The following PARD3 variants were observed in gnomAD, a reference collection of about 807,000 sequenced individuals.
PARD3 encodes partitioning defective 3 homolog.
Under a neutral mutation model 155.4 loss-of-function variants are expected in PARD3, and 75 were observed. The observed-to-expected ratio is 0.48, with a 90% CI of 0.40 to 0.58. The LOEUF (loss-of-function observed/expected upper bound fraction) is 0.58. Ranked by LOEUF, PARD3 falls within the 20% of genes least tolerant of loss-of-function variation. The pLI is 0.00. For missense variants in PARD3, 1,642 were observed against 1,721.7 expected (o/e 0.95, Z 0.82); for synonymous variants, 576 against 610.5 (o/e 0.94, Z 0.83).
chr10:34,178,283 T>C (rs1238310717), intron 22 of PARD3, among the ~76,000 whole-genome samples: 1 of 151,902 alleles, frequency 6.6e-6, no homozygotes, highest in Non-Finnish European at 1.5e-5. Context: ...TATTCATAAA[T>C]CCAATTTCAG....
At chr10:34,270,711 G>C (rs1264482387) in intron 21 of PARD3, among the ~76,000 whole-genome samples, 1 of 152,078 alleles carries the variant, frequency 6.6e-6, no homozygotes, top group African/African-American at 2.4e-5. Context: ...AGTGACAAAA[G>C]AGGATCTCAG....
intron 22 of PARD3, among the ~76,000 whole-genome samples, chr10:34,227,608 A>T (rs1352452391): frequency 6.6e-6 from 1 of 152,206 alleles, no homozygotes; most frequent in East Asian, 1.9e-4. Flanking sequence ...ATTGCACGCC[A>T]GCCTGGGCAA....
rs200778892 is a variant in PARD3, at chr10:34,467,150, AAAAGAG to A, written c.582+2929_582+2934del. ...CAACACTGATACTTAAAATGTGAAA[AAAAGAG>A]AAAGAGCATGGATGTCCAAAATTGA... is the stretch of plus-strand genomic sequence containing the variant. On this transcript the variant is annotated intron_variant, in intron 4 of 24. Transcript: ENST00000374788. 1.9e-3 allele frequency among the ~76,000 whole-genome samples: 296 copies of A among 152,268 alleles called. 2 individuals carry two copies. The highest frequency in any genetic ancestry group is 6.8e-3 in the African/African-American group (282 of 41,504).
chr10:34,212,015 G>A (rs1383977165), intron 22 of PARD3, among the ~76,000 whole-genome samples: 1 of 120,674 alleles, frequency 8.3e-6, no homozygotes, highest in Admixed American at 9.1e-5. Flanking sequence ...ATCTCAGAGT[G>A]CTCAACTTTT....
intron 22 of PARD3, among the ~76,000 whole-genome samples, chr10:34,168,820 T>C (rs1419765449): frequency 3.9e-5 from 6 of 152,222 alleles, no homozygotes; most frequent in Non-Finnish European, 8.8e-5. Context: ...AATTTCTAAA[T>C]AGTTTGAGGG....
At chr10:34,802,332 T>C (rs1842898447) in intron 1 of PARD3, among the ~76,000 whole-genome samples, 1 of 151,636 alleles carries the variant, frequency 6.6e-6, no homozygotes, top group Non-Finnish European at 1.5e-5. Context: ...AAAACAACAC[T>C]TGATGTCATA....
intron 1 of PARD3, among the ~76,000 whole-genome samples, chr10:34,767,656 T>C (rs1283699764): frequency 6.6e-6 from 1 of 151,824 alleles, no homozygotes; most frequent in African/African-American, 2.4e-5. Flanking sequence ...TGGAGAGCAG[T>C]GGCATAATCT....
intron 5 of PARD3, among the ~76,000 whole-genome samples, chr10:34,424,250 C>T (rs1296514407): frequency 4.6e-5 from 7 of 152,050 alleles, no homozygotes; most frequent in African/African-American, 1.7e-4. Context: ...AACAAACAAA[C>T]ATAAAGAGTT....
intron 5 of PARD3, among the ~76,000 whole-genome samples, chr10:34,403,622 TG>T (rs1429364037): frequency 6.6e-6 from 1 of 152,154 alleles, no homozygotes; most frequent in Non-Finnish European, 1.5e-5. Flanking sequence ...TTGTGGATGG[TG>T]GAGCTCTGCA....
intron 23 of PARD3, among the ~76,000 whole-genome samples, chr10:34,121,384 T>TC (rs1177558392): frequency 2.6e-5 from 4 of 152,192 alleles, no homozygotes; most frequent in African/African-American, 9.7e-5. Flanking sequence ...CACCCTCAGT[T>TC]CCCCCTCTGT....
intron 20 of PARD3, among the ~76,000 whole-genome samples, chr10:34,289,254 A>G (rs562268297): frequency 7.2e-5 from 11 of 152,206 alleles, no homozygotes; most frequent in African/African-American, 2.2e-4. Flanking sequence ...CAGTGGCGCA[A>G]TCTCAGCTCA....
intron 2 of PARD3, among the ~76,000 whole-genome samples, chr10:34,586,360 A>C (rs1253062811): frequency 6.6e-6 from 1 of 152,204 alleles, no homozygotes; most frequent in Non-Finnish European, 1.5e-5. Flanking sequence ...CATACCTTGT[A>C]ACTGAAAAAA....
intron 1 of PARD3, among the ~76,000 whole-genome samples, chr10:34,753,546 G>A (rs1034431476): frequency 2.0e-5 from 3 of 152,178 alleles, no homozygotes; most frequent in East Asian, 3.8e-4. Flanking sequence ...GGTGAATAAC[G>A]CAATTTTGTA....
chr10:34,717,500 G>A (rs1387551214), intron 1 of PARD3, among the ~76,000 whole-genome samples: 3 of 152,020 alleles, frequency 2.0e-5, no homozygotes, highest in East Asian at 1.9e-4. Context: ...CCCTGCAATC[G>A]CAGAGTTCAA....
intron 1 of PARD3, among the ~76,000 whole-genome samples, chr10:34,813,400 A>G (rs554768217): frequency 6.6e-6 from 1 of 152,308 alleles, no homozygotes; most frequent in East Asian, 1.9e-4. Context: ...AAACTGTCAC[A>G]CATAAACAAC....
intron 2 of PARD3, among the ~76,000 whole-genome samples, chr10:34,651,047 A>G (rs1005095366): frequency 1.4e-5 from 2 of 139,520 alleles, no homozygotes; most frequent in Non-Finnish European, 3.1e-5. Flanking sequence ...AAAAAAAAAA[A>G]AAGGCAGTAC....
Position 34,362,765 on chromosome 10 carries a change from G to A in PARD3, c.1708-2506C>T, listed in dbSNP as rs532412095. 2.6e-5 allele frequency among the ~76,000 whole-genome samples: 4 copies of A among 152,342 alleles called. 1 individual carries two copies. In the South Asian group the frequency reaches 8.3e-4, roughly 32 times the overall value. On this transcript the variant is annotated intron_variant, in intron 12 of 24. Coordinates refer to ENST00000374788, the MANE Select transcript of PARD3 (RefSeq NM_001184785.2). The stretch of plus-strand genomic sequence containing the variant: ...GCACTTTGGCTTCCCAAAGTATTGG[G>A]CTTACGTGCCCAGCCCCTTGAAACA...
chr10:34,657,646 C>G (rs1000857190), intron 2 of PARD3, among the ~76,000 whole-genome samples: 2 of 152,160 alleles, frequency 1.3e-5, no homozygotes, highest in Non-Finnish European at 2.9e-5. Flanking sequence ...TCAAGTGATT[C>G]TCCTGTCTCA....
At chr10:34,526,238 C>A (rs557917771) in intron 2 of PARD3, among the ~76,000 whole-genome samples, 13 of 152,192 alleles carry the variant, frequency 8.5e-5, no homozygotes, top group African/African-American at 3.1e-4. Context: ...CCCACAGCAC[C>A]AATCACAATG....
Sources: allele counts gnomAD v4.1 joint callset (sites outside exome capture counted in the v4.1 genomes callset), GRCh38; gene constraint gnomAD v4.1.1; transcripts MANE v1.5; gene names NCBI Gene and HGNC (gene_info 2026-07-23, HGNC 2026-07-21).